The following ZBTB20 variants were observed in gnomAD, a reference collection of about 807,000 sequenced individuals.
ZBTB20 encodes the protein zinc finger and BTB domain containing 20, also known as zinc finger and BTB domain-containing protein 20.
In ZBTB20, 9 loss-of-function variants were observed where a neutral mutation model predicts 56.9. That is an observed-to-expected ratio of 0.16 (90% CI 0.10 to 0.28). The LOEUF is 0.28. ZBTB20 is among the 10% of genes least tolerant of loss of function. The pLI is 1.00. For missense variants in ZBTB20, 655 were observed against 1,003.0 expected (o/e 0.65, Z 4.69); for synonymous variants, 417 against 420.7 (o/e 0.99, Z 0.11).
chr3:114,565,864 T>G (rs963152881), intron 6 of ZBTB20, among the ~76,000 whole-genome samples: 25 of 152,156 alleles, frequency 1.6e-4, no homozygotes, highest in Non-Finnish European at 3.7e-4. Flanking sequence ...GATGTTGTCA[T>G]GCAAATGTAA....
intron 1 of ZBTB20, among the ~76,000 whole-genome samples, chr3:115,076,160 T>C (rs1467392800): frequency 1.3e-5 from 2 of 152,280 alleles, no homozygotes; most frequent in East Asian, 1.9e-4. Context: ...ACTTTAATAT[T>C]GTTAAAATGT....
intron 6 of ZBTB20, among the ~76,000 whole-genome samples, chr3:114,531,241 T>C (rs1430340257): frequency 6.6e-6 from 1 of 152,204 alleles, no homozygotes; most frequent in Non-Finnish European, 1.5e-5. Flanking sequence ...GACATCAATT[T>C]AGAAACATTA....
chr3:114,504,199 C>T (rs960355582), intron 6 of ZBTB20, among the ~76,000 whole-genome samples: 2 of 152,142 alleles, frequency 1.3e-5, no homozygotes, highest in South Asian at 4.1e-4. Context: ...CTGCCAGACT[C>T]CTACCTTCCT....
chr3:114,404,716 G>T (rs1188559557), intron 7 of ZBTB20, among the ~76,000 whole-genome samples: 1 of 152,006 alleles, frequency 6.6e-6, no homozygotes, highest in Non-Finnish European at 1.5e-5. Context: ...ATAAACAAAG[G>T]AGCTACACAG....
chr3:114,812,052 G>T (rs1315037555), intron 4 of ZBTB20, among the ~76,000 whole-genome samples: 2 of 152,152 alleles, frequency 1.3e-5, no homozygotes, highest in Non-Finnish European at 2.9e-5. Context: ...AGACCTTTGC[G>T]GTGAGTGTTA....
At chr3:115,105,458 CTAAAGA>C (rs1371624465) in intron 1 of ZBTB20, among the ~76,000 whole-genome samples, 1 of 152,122 alleles carries the variant, frequency 6.6e-6, no homozygotes, top group East Asian at 1.9e-4. Context: ...TACCCAATAC[CTAAAGA>C]TAGTTAAGGC....
intron 6 of ZBTB20, among the ~76,000 whole-genome samples, chr3:114,583,482 G>T (rs990215219): frequency 6.6e-6 from 1 of 151,658 alleles, no homozygotes; most frequent in Non-Finnish European, 1.5e-5. Flanking sequence ...GCTAAAAGTG[G>T]GAATAAAAAT....
chr3:114,483,977 G>A (rs895707268), intron 7 of ZBTB20, among the ~76,000 whole-genome samples: 1 of 151,992 alleles, frequency 6.6e-6, no homozygotes, highest in Non-Finnish European at 1.5e-5. Flanking sequence ...TCTGCATAAA[G>A]TCATTCCATT....
Position 114,351,118 on chromosome 3 carries a change from G to A in ZBTB20, c.960C>T (p.Ile320=). The A allele has an allele frequency of 1.2e-6, 2 of 1,607,750 alleles. No homozygotes were observed. Among genetic ancestry groups the A allele is most frequent in the Non-Finnish European group, 1.7e-6 (2 of 1,179,734 alleles). ...TGTGGATGTTGCCCACTAGGGTCTG[G>A]ATGCGCACAGGCCGGGGCTGCTTGC... ...HCRKQPRPVR[I]QTLVGNIHIK... The change falls in exon 11 of 12, where the codon ATC becomes ATT. Residue 320 remains isoleucine, a synonymous_variant. Transcript: ENST00000675478.
At chr3:114,655,628 C>CT (rs1249602763) in intron 6 of ZBTB20, among the ~76,000 whole-genome samples, 2 of 152,044 alleles carry the variant, frequency 1.3e-5, no homozygotes, top group Non-Finnish European at 2.9e-5. Context: ...TTAGCTGTAC[C>CT]TTTTTTGTTA....
In ZBTB20 at chr3:114,921,873, C is replaced by CAT. The variant is rs892199941; in HGVS notation, c.-455-21533_-455-21532dup. ...GAACTTAAAGTATAATAAATATACA[C>CAT]ATATATATATATAAAGAGTGCTACA... On this transcript the variant is annotated intron_variant, in intron 3 of 11. Transcript: ENST00000675478. Among the ~76,000 whole-genome samples, 411 of 151,502 alleles carry CAT rather than the reference C, an allele frequency of 2.7e-3. 1 individual carries two copies. The highest frequency in any genetic ancestry group is 4.4e-3 in the Non-Finnish European group (300 of 67,828).
chr3:114,860,855 G>T (rs778562972), intron 4 of ZBTB20, among the ~76,000 whole-genome samples: 6 of 152,054 alleles, frequency 3.9e-5, no homozygotes, highest in Non-Finnish European at 8.8e-5. Context: ...CTTTTTTATG[G>T]TTTCACTAAA....
intron 6 of ZBTB20, among the ~76,000 whole-genome samples, chr3:114,607,746 T>C (rs4399857): frequency 0.26 from 38,858 of 152,094 alleles, 5,193 homozygotes; most frequent in Middle Eastern, 0.35. Flanking sequence ...AAGAGTTGAT[T>C]ATCTTAGACT....
intron 1 of ZBTB20, among the ~76,000 whole-genome samples, chr3:115,106,021 T>C (rs1187155894): frequency 6.6e-6 from 1 of 151,906 alleles, no homozygotes; most frequent in Non-Finnish European, 1.5e-5. Flanking sequence ...TTTCACCATG[T>C]TGGTCAGGCT....
intron 2 of ZBTB20, among the ~76,000 whole-genome samples, chr3:115,040,623 AC>A (rs1306207837): frequency 3.9e-5 from 6 of 152,118 alleles, no homozygotes; most frequent in Admixed American, 3.9e-4. Context: ...TGAAAATAAG[AC>A]TGACAAAGTA....
intron 6 of ZBTB20, among the ~76,000 whole-genome samples, chr3:114,612,600 T>G (rs1305875779): frequency 6.6e-6 from 1 of 152,214 alleles, no homozygotes; most frequent in Non-Finnish European, 1.5e-5. Flanking sequence ...GTGACAATAA[T>G]GCTGCATTTT....
rs1019137749 is a variant in ZBTB20, at chr3:114,333,798, G to A, written c.*5207C>T. 3 of 152,128 alleles carry A rather than the reference G, an allele frequency of 2.0e-5. No individual in the cohort carries two copies. Among genetic ancestry groups the A allele is most frequent in the African/African-American group, 7.2e-5 (3 of 41,412 alleles). The allele number at this position is 152,128 out of a possible 1,614,324, so 9.4% of individuals were successfully genotyped here. On this transcript the variant is annotated 3_prime_UTR_variant, in exon 12 of 12. Coordinates refer to ENST00000675478, the MANE Select transcript of ZBTB20 (RefSeq NM_001348800.3). ...GTCTGTCGACCCTGCCCATGGAAAAGCCCAGAGATTTCTCTAACCACTTCT... is the reference window on the plus strand; with the variant it reads ...GTCTGTCGACCCTGCCCATGGAAAAACCCAGAGATTTCTCTAACCACTTCT...
chr3:114,724,277 T>C (rs2065119550), intron 5 of ZBTB20, among the ~76,000 whole-genome samples: 1 of 152,304 alleles, frequency 6.6e-6, no homozygotes, highest in South Asian at 2.1e-4. Flanking sequence ...CTGATAACAT[T>C]GAAGGTGATG....
chr3:114,462,396 A>G (rs563974436), intron 7 of ZBTB20, among the ~76,000 whole-genome samples: 12 of 152,334 alleles, frequency 7.9e-5, no homozygotes, highest in African/African-American at 2.6e-4. Context: ...CTACCTTTCT[A>G]TTTATCAGGT....
Sources: allele counts gnomAD v4.1 joint callset (sites outside exome capture counted in the v4.1 genomes callset), GRCh38; gene constraint gnomAD v4.1.1; transcripts MANE v1.5; gene names NCBI Gene and HGNC (gene_info 2026-07-23, HGNC 2026-07-21).